The following FANK1 variants were observed in gnomAD, a reference collection of about 807,000 sequenced individuals.
FANK1 encodes fibronectin type 3 and ankyrin repeat domains protein 1.
Under a neutral mutation model 45.3 loss-of-function variants are expected in FANK1, and 44 were observed. The ratio of observed to expected loss-of-function variants is 0.97; its 90% CI spans 0.76 to 1.25. FANK1 has a LOEUF of 1.25. FANK1 is among the 50% of genes most tolerant of loss of function. FANK1 has a pLI of 0.00. For synonymous variants in FANK1, 149 were observed against 152.5 expected (o/e 0.98, Z 0.17); for missense variants, 391 against 424.4 (o/e 0.92, Z 0.69).
intron 1 of FANK1, among the ~76,000 whole-genome samples, chr10:125,896,982 C>T (rs1944587567): frequency 6.6e-6 from 1 of 152,354 alleles, no homozygotes; most frequent in Non-Finnish European, 1.5e-5. Context: ...TCCATTTACT[C>T]CTCCTCCTAC....
At chr10:125,938,536 C>T (rs534633000) in intron 1 of FANK1, among the ~76,000 whole-genome samples, 14 of 152,268 alleles carry the variant, frequency 9.2e-5, no homozygotes, top group South Asian at 6.2e-4. Context: ...GTGGCTGACA[C>T]GGTGGTTTAC....
At chr10:125,990,283 T>G (rs1240852068) in intron 3 of FANK1, among the ~76,000 whole-genome samples, 1 of 152,196 alleles carries the variant, frequency 6.6e-6, no homozygotes, top group Admixed American at 6.5e-5. Flanking sequence ...AGTCAGTGTG[T>G]GTGCCTGTGG....
Position 125,988,411 on chromosome 10 carries a change from G to T in FANK1, c.192-140G>T, listed in dbSNP as rs1021192628. 4 of 1,176,228 alleles carry T rather than the reference G, an allele frequency of 3.4e-6. No individual in the cohort carries two copies. In the East Asian group the frequency reaches 9.5e-5, roughly 28 times the overall value. The allele number at this position is 1,176,228 out of a possible 1,614,324, so 72.9% of individuals were successfully genotyped here. A position where few individuals can be genotyped will look rare whatever the true frequency, so the allele number is the denominator to read the frequency against. ...TGTGGGACTTGTCCTTCATTCTCTCGGAGTTCAGCAAAGCAGGATCCATCG... is the reference window on the plus strand; with the variant it reads ...TGTGGGACTTGTCCTTCATTCTCTCTGAGTTCAGCAAAGCAGGATCCATCG... On this transcript the variant is annotated intron_variant, in intron 2 of 10. Transcript: ENST00000368693.
intron 1 of FANK1, chr10:125,974,826 G>A (rs1950756551): frequency 6.6e-6 from 1 of 152,100 alleles, no homozygotes; most frequent in South Asian, 2.1e-4. Flanking sequence ...AATGTCCTAT[G>A]TGTCTTTGTG....
intron 1 of FANK1, among the ~76,000 whole-genome samples, chr10:125,953,784 C>T (rs1297765933): frequency 6.6e-6 from 1 of 152,184 alleles, no homozygotes; most frequent in Non-Finnish European, 1.5e-5. Flanking sequence ...TGGCCCTGCC[C>T]CTCCTAGCTG....
chr10:125,919,298 C>CG (rs1946761592), intron 1 of FANK1, among the ~76,000 whole-genome samples: 1 of 142,626 alleles, frequency 7.0e-6, no homozygotes, highest in African/African-American at 2.6e-5. Context: ...CTCCGCTTCC[C>CG]GGTTTCAAGC....
rs148374133 is a variant in FANK1, at chr10:125,971,906, T to C, written c.14-8255T>C. 2.2e-3 allele frequency among the ~76,000 whole-genome samples: 340 copies of C among 152,244 alleles called. 2 individuals carry two copies. The highest frequency in any genetic ancestry group is 6.8e-3 in the East Asian group (35 of 5,162). On this transcript the variant is annotated intron_variant, in intron 1 of 10. Transcript: ENST00000368693. The stretch of plus-strand genomic sequence containing the variant: ...GAAAGTAAAGTGCTGGGATTACAGG[T>C]GTGAGCCACTGCGCCCGGCCGCTCC...
At chr10:125,943,390 G>A (rs770902754) in intron 1 of FANK1, among the ~76,000 whole-genome samples, 5 of 151,604 alleles carry the variant, frequency 3.3e-5, no homozygotes, top group African/African-American at 4.9e-5. Flanking sequence ...TGCATGATTC[G>A]GTGGCTTTTT....
intron 6 of FANK1, among the ~76,000 whole-genome samples, chr10:126,003,716 C>T (rs1296290777): frequency 5.9e-5 from 9 of 151,788 alleles, no homozygotes; most frequent in Admixed American, 3.3e-4. Context: ...TGCTCTCTCT[C>T]CCAGGTTGGA....
chr10:125,935,626 G>T lies in FANK1; in HGVS notation c.13+38971G>T, dbSNP rs562442967. Among the ~76,000 whole-genome samples the T allele has an allele frequency of 3.7e-4, 56 of 152,192 alleles. No homozygotes were observed. In the South Asian group the frequency reaches 3.9e-3, roughly 11 times the overall value. ...AGATTATAAATCTGTCTTTTAGAAT[G>T]CCAAAAAGTATAATTAAAAATATAA... is the stretch of plus-strand genomic sequence containing the variant. On this transcript the variant is annotated intron_variant, in intron 1 of 10. Transcript: ENST00000368693.
At chr10:125,920,219 A>G (rs1488418725) in intron 1 of FANK1, among the ~76,000 whole-genome samples, 1 of 152,238 alleles carries the variant, frequency 6.6e-6, no homozygotes, top group African/African-American at 2.4e-5. Context: ...AAAATTGGCA[A>G]TCATTTGGCC....
intron 1 of FANK1, among the ~76,000 whole-genome samples, chr10:125,923,022 GTA>G (rs1947055868): frequency 6.6e-6 from 1 of 151,792 alleles, no homozygotes; most frequent in African/African-American, 2.4e-5. Flanking sequence ...TCTTTTTCTT[GTA>G]TGTTTCATGG....
chr10:125,947,916 C>T (rs1473996572), intron 1 of FANK1, among the ~76,000 whole-genome samples: 1 of 146,522 alleles, frequency 6.8e-6, no homozygotes, highest in Non-Finnish European at 1.5e-5. Flanking sequence ...CAAACTATCT[C>T]TCAGACCACA....
At chr10:125,961,512 T>C (rs1020325734) in intron 1 of FANK1, among the ~76,000 whole-genome samples, 1 of 152,068 alleles carries the variant, frequency 6.6e-6, no homozygotes, top group African/African-American at 2.4e-5. Context: ...GGCAGAAGAA[T>C]GAAAATAGAC....
At chr10:126,001,492 G>T (rs1952754615) in intron 6 of FANK1, among the ~76,000 whole-genome samples, 3 of 152,218 alleles carry the variant, frequency 2.0e-5, no homozygotes, top group Non-Finnish European at 4.4e-5. Context: ...AGCGGAGCGG[G>T]TCCTCCATTT....
At position 125,914,052 on chromosome 10, in the gene FANK1, T is replaced by C. The variant is rs1946246500; in HGVS notation, c.13+17397T>C. The stretch of plus-strand genomic sequence containing the variant: ...TCATGGGAATCTCTCTCTACCTGAA[T>C]CTACCTCTTATAATTCTTAAATTAA... On this transcript the variant is annotated intron_variant, in intron 1 of 10. Transcript: ENST00000368693. Among the ~76,000 whole-genome samples the C allele has an allele frequency of 2.0e-5, 3 of 152,176 alleles. No homozygotes were observed. The South Asian group carries it at 6.2e-4, about 32-fold the overall frequency.
chr10:125,935,925 A>G (rs976053223), intron 1 of FANK1, among the ~76,000 whole-genome samples: 10 of 152,204 alleles, frequency 6.6e-5, no homozygotes, highest in Non-Finnish European at 1.5e-5. Flanking sequence ...CTACATTTTT[A>G]AGCTAATAAG....
chr10:125,937,261 T>TA (rs952402528), intron 1 of FANK1, among the ~76,000 whole-genome samples: 12 of 152,212 alleles, frequency 7.9e-5, no homozygotes, highest in African/African-American at 2.9e-4. Flanking sequence ...ACCCACAGTG[T>TA]AAGGAAGTTC....
At chr10:125,954,544 C>T (rs1446739542) in intron 1 of FANK1, among the ~76,000 whole-genome samples, 1 of 151,864 alleles carries the variant, frequency 6.6e-6, no homozygotes, top group African/African-American at 2.4e-5. Context: ...TGAAGACCTA[C>T]TTGAAATCTC....
Sources: allele counts gnomAD v4.1 joint callset (sites outside exome capture counted in the v4.1 genomes callset), GRCh38; gene constraint gnomAD v4.1.1; transcripts MANE v1.5; gene names NCBI Gene and HGNC (gene_info 2026-07-23, HGNC 2026-07-21).